The following FOXP2 variants were observed in gnomAD, a reference collection of about 807,000 sequenced individuals.
FOXP2 encodes forkhead box protein P2.
In FOXP2, 12 loss-of-function variants were observed where a neutral mutation model predicts 115.8. The ratio of observed to expected loss-of-function variants is 0.10; its 90% confidence interval spans 0.07 to 0.17. FOXP2 has a LOEUF of 0.17. Ranked by LOEUF, FOXP2 falls within the 10% of genes least tolerant of loss-of-function variation. The pLI, the probability that FOXP2 is intolerant of heterozygous loss-of-function variation, is 1.00. For synonymous variants in FOXP2, 328 were observed against 297.7 expected, an observed-to-expected ratio of 1.10 and a Z score of -1.05; for missense variants, 629 against 843.5, an observed-to-expected ratio of 0.75 and a Z score of 3.15.
rs921527947 is a variant in FOXP2, at chr7:114,127,705, T to C, written c.-246-35239T>C. Among the ~76,000 whole-genome samples, 12 of 152,288 alleles carry C rather than the reference T, an allele frequency of 7.9e-5. No individual in the cohort carries two copies. The East Asian group carries it at 2.3e-3, about 29-fold the overall frequency. On this transcript the variant is annotated intron_variant, in intron 1 of 19. Transcript: ENST00000635638. ...AATTTTATCTAAAATGTTCTTTGCTTTCATAAACTGCATAGAGATCAGTAG... is the reference window on the plus strand; with the variant it reads ...AATTTTATCTAAAATGTTCTTTGCTCTCATAAACTGCATAGAGATCAGTAG...
In FOXP2 at chr7:114,693,147, A is replaced by G. The variant is rs1020151717; in HGVS notation, c.*3221A>G. ...TTCGTGGCACAGTTGTACTATTTGA[A>G]AATCAATTAAAATTTTATGTGAATG... On this transcript the variant is annotated 3_prime_UTR_variant, in exon 17 of 17. Transcript: ENST00000350908. The G allele has an allele frequency of 1.1e-5, 5 of 453,718 alleles. No homozygotes were observed. Among genetic ancestry groups the G allele is most frequent in the African/African-American group, 1.0e-4 (5 of 49,992 alleles). 28.1% of individuals were successfully genotyped at this position (453,718 alleles called of 1,614,324 possible).
intron 1 of FOXP2, among the ~76,000 whole-genome samples, chr7:114,273,459 T>C (rs1045082888): frequency 5.3e-5 from 8 of 152,058 alleles, no homozygotes; most frequent in East Asian, 1.9e-4. Context: ...ATGTTACTTA[T>C]ATCCAGTTGA....
At chr7:114,645,551 A>G (rs574584808) in intron 8 of FOXP2, 15 of 152,182 alleles carry the variant, frequency 9.9e-5, no homozygotes, top group African/African-American at 3.1e-4. Context: ...AAGAGATCTA[A>G]ACAGAGAGCT....
At position 114,262,228 on chromosome 7, in the gene FOXP2, A is replaced by G. The variant is rs181313054; in HGVS notation, c.-101-25791A>G. ...TGCTGGAGGTCAGGAGTTCAAGACCAGCCTGGGCAACATAGTGAGGCCCCA... is the reference window on the plus strand; with the variant it reads ...TGCTGGAGGTCAGGAGTTCAAGACCGGCCTGGGCAACATAGTGAGGCCCCA... On this transcript the variant is annotated intron_variant, in intron 1 of 17. Coordinates refer to the FOXP2 transcript ENST00000634411. Among the ~76,000 whole-genome samples the G allele has an allele frequency of 1.3e-3, 192 of 152,252 alleles. 1 individual carries two copies. The highest frequency in any genetic ancestry group is 4.5e-3 in the African/African-American group (186 of 41,558).
chr7:114,562,208 T>C (rs1800790603), intron 3 of FOXP2, among the ~76,000 whole-genome samples: 1 of 152,206 alleles, frequency 6.6e-6, no homozygotes, highest in African/African-American at 2.4e-5. Flanking sequence ...GTGGCTTTTC[T>C]TATTCCTACT....
chr7:114,426,740 AAAATG>A, intron 2 of FOXP2, 61 bp downstream of exon 2: 2 of 1,530,296 alleles, frequency 1.3e-6, no homozygotes, highest in African/African-American at 1.4e-5. Flanking sequence ...TTGAATATGA[AAAATG>A]TATTCATAGC....
At chr7:114,165,656 G>T (rs544326426) in intron 1 of FOXP2, among the ~76,000 whole-genome samples, 1 of 152,136 alleles carries the variant, frequency 6.6e-6, no homozygotes, top group Non-Finnish European at 1.5e-5. Flanking sequence ...CCCTTTTCAT[G>T]GATAGATGGG....
chr7:114,614,986 C>T (rs1489066472), intron 3 of FOXP2, among the ~76,000 whole-genome samples: 2 of 151,996 alleles, frequency 1.3e-5, no homozygotes, highest in South Asian at 2.1e-4. Flanking sequence ...TTTAGGAGGC[C>T]GAGGCGGGCG....
chr7:114,520,719 G>C (rs909385932), intron 2 of FOXP2, among the ~76,000 whole-genome samples: 1 of 151,890 alleles, frequency 6.6e-6, no homozygotes. Flanking sequence ...AACAAAGGAG[G>C]CAAAGCAAGG....
intron 3 of FOXP2, among the ~76,000 whole-genome samples, chr7:114,564,684 A>T (rs966488320): frequency 4.6e-5 from 7 of 152,050 alleles, no homozygotes; most frequent in African/African-American, 1.7e-4. Flanking sequence ...GTTCAAGACC[A>T]GCCTGGAGTA....
chr7:114,447,501 A>C (rs984779943), intron 2 of FOXP2, among the ~76,000 whole-genome samples: 3 of 152,126 alleles, frequency 2.0e-5, no homozygotes, highest in Non-Finnish European at 4.4e-5. Flanking sequence ...TGCTGCAGCC[A>C]AATTGAACCT....
Position 114,693,735 on chromosome 7 carries a change from T to C in FOXP2, c.*3809T>C. The stretch of plus-strand genomic sequence containing the variant: ...TTCACTTGATTACATTTCTGAAGTA[T>C]AAATAAAAAAATCTAATTCTTTTTG... On this transcript the variant is annotated 3_prime_UTR_variant, in exon 17 of 17. Coordinates refer to ENST00000350908, the MANE Select transcript of FOXP2 (RefSeq NM_014491.4). 1 of 310,306 alleles carries C rather than the reference T, an allele frequency of 3.2e-6. No individual in the cohort carries two copies. Among genetic ancestry groups the C allele is most frequent in the Non-Finnish European group, 6.3e-6 (1 of 159,276 alleles). 19.2% of individuals were successfully genotyped at this position (310,306 alleles called of 1,614,324 possible). A position where few individuals can be genotyped will look rare whatever the true frequency, so the allele number is the denominator to read the frequency against.
At chr7:114,593,751 T>C (rs1227958770) in intron 3 of FOXP2, among the ~76,000 whole-genome samples, 1 of 152,000 alleles carries the variant, frequency 6.6e-6, no homozygotes, top group African/African-American at 2.4e-5. Flanking sequence ...CCATATTTAA[T>C]TACCAGAAAT....
At chr7:114,530,746 C>G (rs558226684) in intron 2 of FOXP2, among the ~76,000 whole-genome samples, 1 of 151,918 alleles carries the variant, frequency 6.6e-6, no homozygotes, top group East Asian at 1.9e-4. Flanking sequence ...TCATAACTAG[C>G]ATAAAATTAC....
At position 114,340,697 on chromosome 7, in the gene FOXP2, TA is replaced by T. The variant is rs1008994695; in HGVS notation, c.-11+52592del. On this transcript the variant is annotated intron_variant, in intron 2 of 17. Transcript: ENST00000634411. The stretch of plus-strand genomic sequence containing the variant: ...TAATACTTTTTGAAGTTTACAGTTA[TA>T]AAAGTTGGATATTTGTCACATTTAT... Among the ~76,000 whole-genome samples, 5 of 151,306 alleles carry T rather than the reference TA, an allele frequency of 3.3e-5. No individual in the cohort carries two copies. The South Asian group carries it at 8.3e-4, about 25-fold the overall frequency.
intron 16 of FOXP2, among the ~76,000 whole-genome samples, chr7:114,673,475 T>C (rs1284906442): frequency 4.6e-5 from 7 of 152,214 alleles, no homozygotes; most frequent in African/African-American, 7.2e-5. Context: ...TTTTTAAAAA[T>C]TGACTCTACA....
chr7:114,142,215 G>A (rs1363892198), intron 1 of FOXP2, among the ~76,000 whole-genome samples: 1 of 151,884 alleles, frequency 6.6e-6, no homozygotes, highest in Non-Finnish European at 1.5e-5. Flanking sequence ...TAGAGACAGG[G>A]GTTTCATCAC....
At chr7:114,430,998 A>AT (rs1324105988) in intron 2 of FOXP2, among the ~76,000 whole-genome samples, 1 of 151,858 alleles carries the variant, frequency 6.6e-6, no homozygotes, top group Non-Finnish European at 1.5e-5. Flanking sequence ...ATAGAAATGG[A>AT]TTTTTTAATT....
At chr7:114,398,668 G>A (rs1055189281) in intron 2 of FOXP2, among the ~76,000 whole-genome samples, 5 of 152,210 alleles carry the variant, frequency 3.3e-5, no homozygotes, top group African/African-American at 1.2e-4. Flanking sequence ...GAGCACTTGT[G>A]TGCACAGTAT....
Sources: gnomAD v4.1 joint callset for allele counts (sites outside exome capture counted in the v4.1 genomes callset) on GRCh38, gnomAD v4.1.1 for gene constraint, MANE v1.5 for transcripts, NCBI Gene and HGNC (gene_info 2026-07-23, HGNC 2026-07-21) for gene names.